The following USP33 variants were observed in gnomAD, a reference collection of about 807,000 sequenced individuals.
The protein encoded by USP33 is ubiquitin carboxyl-terminal hydrolase 33.
In USP33, 46 loss-of-function variants were observed where a neutral mutation model predicts 124.2. The observed-to-expected ratio is 0.37, with a 90% CI of 0.29 to 0.47. The LOEUF (loss-of-function observed/expected upper bound fraction) is 0.47. Among genes scored for constraint, USP33 ranks in the 20% least tolerant of loss-of-function variants. USP33 has a pLI of 0.99. For missense variants in USP33, 851 were observed against 1,070.6 expected, an observed-to-expected ratio of 0.79 and a Z score of 2.86; for synonymous variants, 350 against 352.3, an observed-to-expected ratio of 0.99 and a Z score of 0.07.
intron 1 of USP33, among the ~76,000 whole-genome samples, chr1:77,751,688 A>G (rs1315601793): frequency 2.0e-5 from 3 of 151,776 alleles, no homozygotes; most frequent in Non-Finnish European, 4.4e-5. Flanking sequence ...GCTTCTGAAG[A>G]TATTACCTTT....
At chr1:77,706,147 T>G (rs1284756796) in intron 21 of USP33, among the ~76,000 whole-genome samples, 1 of 152,208 alleles carries the variant, frequency 6.6e-6, no homozygotes, top group Non-Finnish European at 1.5e-5. Context: ...TAACATAAAT[T>G]TTCATTTCTC....
intron 19 of USP33, 25 bp from the exon 20 acceptor site, chr1:77,713,306 GT>G: frequency 6.5e-7 from 1 of 1,538,384 alleles, no homozygotes; most frequent in Non-Finnish European, 8.8e-7. Context: ...AAACATATCT[GT>G]TTCATGCTTT....
At chr1:77,708,584 G>C (rs904580155) in intron 21 of USP33, among the ~76,000 whole-genome samples, 6 of 152,140 alleles carry the variant, frequency 3.9e-5, no homozygotes, top group Non-Finnish European at 8.8e-5. Flanking sequence ...ATGCAGTTTT[G>C]AATTTTTTAA....
At chr1:77,734,476 G>C in intron 6 of USP33, 60 bp from the exon 7 acceptor site, 1 of 1,066,318 alleles carries the variant, frequency 9.4e-7, no homozygotes, top group Non-Finnish European at 1.4e-6. Flanking sequence ...CTCAATTTTA[G>C]GGGTCATTAA....
chr1:77,743,106 C>A (rs1008710670), intron 1 of USP33, among the ~76,000 whole-genome samples: 1 of 151,934 alleles, frequency 6.6e-6, no homozygotes, highest in Non-Finnish European at 1.5e-5. Context: ...CCACACCCGA[C>A]CACTTTTTTT....
intron 1 of USP33, among the ~76,000 whole-genome samples, chr1:77,749,548 A>C (rs903549509): frequency 2.6e-5 from 4 of 151,902 alleles, no homozygotes; most frequent in African/African-American, 9.7e-5. Context: ...CGACTGGCTA[A>C]TTTTTGTATT....
chr1:77,704,246 T>C (rs554477307), intron 21 of USP33, among the ~76,000 whole-genome samples: 354 of 152,298 alleles, frequency 2.3e-3, no homozygotes, highest in Non-Finnish European at 4.4e-3. Flanking sequence ...CAGTCTCTGA[T>C]GGTTAACAAA....
chr1:77,725,434 G>T (rs986215078), intron 11 of USP33, among the ~76,000 whole-genome samples, 188 bp downstream of exon 11: 2 of 152,172 alleles, frequency 1.3e-5, no homozygotes, highest in African/African-American at 4.8e-5. Context: ...GAATTCAACT[G>T]TATGTAAAAT....
chr1:77,697,656 G>C, intron 23 of USP33, 182 bp from the exon 24 acceptor site: 1 of 915,072 alleles, frequency 1.1e-6, no homozygotes, highest in African/African-American at 1.7e-5. Context: ...TAAAAAGTCA[G>C]AGATGCTTTT....
chr1:77,717,816 A>T, intron 17 of USP33, 51 bp downstream of exon 17: 1 of 1,470,382 alleles, frequency 6.8e-7, no homozygotes, highest in East Asian at 2.4e-5. Flanking sequence ...GCCCAGGCTT[A>T]TTTTAATTTT....
At chr1:77,709,392 G>C (rs1488112892) in intron 21 of USP33, among the ~76,000 whole-genome samples, 1 of 152,046 alleles carries the variant, frequency 6.6e-6, no homozygotes, top group Non-Finnish European at 1.5e-5. Context: ...GTGTGCATCT[G>C]TAGTCCTAGC....
chr1:77,753,094 A>T (rs921940465), intron 1 of USP33, among the ~76,000 whole-genome samples: 2 of 151,940 alleles, frequency 1.3e-5, no homozygotes, highest in Admixed American at 6.6e-5. Context: ...AATAAAAAAT[A>T]AAAAAAATTA....
chr1:77,711,255 C>T (rs1469155576), intron 21 of USP33, among the ~76,000 whole-genome samples: 1 of 151,594 alleles, frequency 6.6e-6, no homozygotes, highest in African/African-American at 2.4e-5. Flanking sequence ...GGGCCAGGAG[C>T]AGTGGCTCAT....
Position 77,759,637 on chromosome 1 carries a change from G to T in USP33, c.-52+6C>A. 2.5e-6 allele frequency: 1 copy of T among 398,884 alleles called. No individual in the cohort carries two copies. The highest frequency in any genetic ancestry group is 4.4e-6 in the Non-Finnish European group (1 of 226,350). 24.7% of individuals were successfully genotyped at this position (398,884 alleles called of 1,614,324 possible). On this transcript the variant is annotated splice_donor_region_variant and intron_variant, in intron 1 of 23. Coordinates refer to ENST00000370794, the MANE Select transcript of USP33 (RefSeq NM_201624.3). The stretch of plus-strand genomic sequence containing the variant: ...CCCGCGCCCCTCCCAGCAGCGCCGC[G>T]CTCACCTCCACGGCCTGGCCCGCGG...
intron 23 of USP33, 32 bp from the exon 24 acceptor site, chr1:77,697,506 A>C (rs921725957): frequency 1.9e-6 from 3 of 1,575,188 alleles, no homozygotes; most frequent in African/African-American, 1.4e-5. Flanking sequence ...TAATGTTTAC[A>C]AACCTATATA....
At chr1:77,705,182 T>C (rs1674483146) in intron 21 of USP33, among the ~76,000 whole-genome samples, 1 of 150,856 alleles carries the variant, frequency 6.6e-6, no homozygotes, top group African/African-American at 2.4e-5. Flanking sequence ...TAATAATAGG[T>C]TTGCACTTTT....
chr1:77,726,909 T>C (rs893188758), intron 10 of USP33, among the ~76,000 whole-genome samples: 1 of 152,172 alleles, frequency 6.6e-6, no homozygotes, highest in African/African-American at 2.4e-5. Flanking sequence ...TCCTAGTGCC[T>C]AACATATTCC....
chr1:77,732,549 G>A (rs541577019), intron 7 of USP33, among the ~76,000 whole-genome samples: 1 of 152,122 alleles, frequency 6.6e-6, no homozygotes, highest in African/African-American at 2.4e-5. Context: ...CAATGGTATC[G>A]TACTACTATG....
chr1:77,755,693 C>T (rs1680743724), intron 1 of USP33, among the ~76,000 whole-genome samples: 2 of 152,108 alleles, frequency 1.3e-5, no homozygotes, highest in Admixed American at 1.3e-4. Context: ...GAGACCCTTT[C>T]ACAAAAAAGT....
Sources: allele counts gnomAD v4.1 joint callset (sites outside exome capture counted in the v4.1 genomes callset), GRCh38; gene constraint gnomAD v4.1.1; transcripts MANE v1.5; gene names NCBI Gene and HGNC (gene_info 2026-07-23, HGNC 2026-07-21).